Variants in BDNF observed in about 807,000 individuals in gnomAD.
The protein encoded by BDNF is neurotrophic factor BDNF precursor form.
In BDNF, 1 loss-of-function variant was observed where a neutral mutation model predicts 19.5. That is an observed-to-expected ratio of 0.05 (90% CI 0.02 to 0.24). The LOEUF (loss-of-function observed/expected upper bound fraction) is 0.24. Ranked by LOEUF, BDNF falls within the 10% of genes least tolerant of loss-of-function variation. BDNF has a pLI of 1.00. For synonymous variants in BDNF, 100 were observed against 121.6 expected, an observed-to-expected ratio of 0.82 and a Z score of 1.17; for missense variants, 195 against 317.6, an observed-to-expected ratio of 0.61 and a Z score of 2.93.
chr11:27,700,029 CG>C (rs1449914570), intron 1 of BDNF, 134 bp downstream of exon 1: 2 of 850,428 alleles, frequency 2.4e-6, no homozygotes, highest in African/African-American at 3.7e-5. Flanking sequence ...AACTCCAAAT[CG>C]TCCCTTCTAC....
intron 1 of BDNF, among the ~76,000 whole-genome samples, chr11:27,708,825 CTT>C (rs67977614): frequency 1.1e-4 from 12 of 112,448 alleles, no homozygotes; most frequent in South Asian, 3.0e-4. Flanking sequence ...TAGAATTCCT[CTT>C]TTTTTTTTTT....
chr11:27,684,916 A>G (rs560677095), intron 1 of BDNF, among the ~76,000 whole-genome samples: 2 of 152,306 alleles, frequency 1.3e-5, no homozygotes, highest in Admixed American at 1.3e-4. Flanking sequence ...GGACTCATAA[A>G]ATGAGTTAGG....
rs1015548431 is a variant in BDNF, at chr11:27,656,257, A to T, written c.*1564T>A. ...AAACATCTTCTATCTCATTGCATCA[A>T]TCTCATGATCACAAATGCCACATTT... On this transcript the variant is annotated 3_prime_UTR_variant, in exon 2 of 2. Coordinates refer to ENST00000356660, the MANE Select transcript of BDNF (RefSeq NM_001709.5). 1 of 152,190 alleles carries T rather than the reference A, an allele frequency of 6.6e-6. No individual in the cohort carries two copies. The highest frequency in any genetic ancestry group is 1.9e-4 in the East Asian group (1 of 5,182). 9.4% of individuals were successfully genotyped at this position (152,190 alleles called of 1,614,324 possible).
chr11:27,699,392 TC>T, intron 1 of BDNF: 1 of 1,613,964 alleles, frequency 6.2e-7, no homozygotes, highest in Non-Finnish European at 8.5e-7. Context: ...CCATTCCTCT[TC>T]CCGGCTCTGC....
chr11:27,701,039 G>A (rs1859869213), upstream of BDNF: 1 of 1,357,786 alleles, frequency 7.4e-7, no homozygotes, highest in South Asian at 1.2e-5. Context: ...CAGAGCATGG[G>A]GGCTATTGGT....
chr11:27,682,570 C>T (rs561990610), intron 1 of BDNF, among the ~76,000 whole-genome samples: 8 of 152,086 alleles, frequency 5.3e-5, no homozygotes, highest in African/African-American at 1.9e-4. Context: ...CCTCCTACAC[C>T]CTGACAGGCC....
intron 1 of BDNF, chr11:27,696,615 C>T (rs2134053981): frequency 6.6e-6 from 1 of 152,318 alleles, no homozygotes; most frequent in African/African-American, 2.4e-5. Flanking sequence ...AATGGCTGCA[C>T]TAGATGGCTG....
At chr11:27,701,724 T>A, upstream of BDNF, 1 of 567,864 alleles carries the variant, frequency 1.8e-6, no homozygotes, top group Non-Finnish European at 2.2e-6. Context: ...GTGCACGAAT[T>A]ACCAGAATCA....
chr11:27,701,017 A>G (rs1268401122), upstream of BDNF: 1 of 1,361,382 alleles, frequency 7.3e-7, no homozygotes, highest in African/African-American at 1.5e-5. Context: ...GCGAGCACAC[A>G]ATGAAATCGC....
At chr11:27,704,670 G>T (rs1259331267), upstream of BDNF, among the ~76,000 whole-genome samples, 2 of 152,182 alleles carry the variant, frequency 1.3e-5, no homozygotes, top group Non-Finnish European at 2.9e-5. Flanking sequence ...TGAGCAGAGT[G>T]GCACAGGTGT....
At chr11:27,675,404 G>T (rs11030109) in intron 1 of BDNF, 1 of 152,064 alleles carries the variant, frequency 6.6e-6, no homozygotes. Flanking sequence ...ACATTTTCCC[G>T]TGAGAAGATC....
At chr11:27,670,062 T>G (rs531094813) in intron 1 of BDNF, among the ~76,000 whole-genome samples, 267 of 152,126 alleles carry the variant, frequency 1.8e-3, no homozygotes, top group African/African-American at 5.1e-3. Flanking sequence ...AAAACAGAGA[T>G]ATAGACCAAT....
chr11:27,699,263 C>G (rs1859595736), intron 1 of BDNF: 1 of 1,415,012 alleles, frequency 7.1e-7, no homozygotes, highest in South Asian at 1.1e-5. Context: ...AGTTCACCCT[C>G]GCAGCCCCGA....
At chr11:27,669,544 G>A (rs1347922676) in intron 1 of BDNF, among the ~76,000 whole-genome samples, 2 of 152,158 alleles carry the variant, frequency 1.3e-5, no homozygotes, top group Non-Finnish European at 2.9e-5. Context: ...AAGCTGATAA[G>A]CAACTTCAGC....
chr11:27,680,039 C>G (rs1246340181), intron 1 of BDNF, among the ~76,000 whole-genome samples: 1 of 152,212 alleles, frequency 6.6e-6, no homozygotes, highest in South Asian at 2.1e-4. Flanking sequence ...TGGATGTCAA[C>G]TTGTCAAACT....
At chr11:27,721,585 G>T in exon 1 of BDNF, 2 of 732,740 alleles carry the variant, frequency 2.7e-6, no homozygotes, top group Non-Finnish European at 4.8e-6. Context: ...TGCAATATCC[G>T]CAAGCTTAAA....
intron 1 of BDNF, among the ~76,000 whole-genome samples, chr11:27,694,898 C>T (rs911050732): frequency 3.3e-5 from 5 of 152,060 alleles, no homozygotes; most frequent in African/African-American, 1.2e-4. Context: ...CTCAATGGTT[C>T]GGTTTGGTAC....
At chr11:27,712,715 A>C (rs1366616760) in intron 1 of BDNF, among the ~76,000 whole-genome samples, 1 of 151,610 alleles carries the variant, frequency 6.6e-6, no homozygotes, top group African/African-American at 2.4e-5. Flanking sequence ...GGGTTTTGCC[A>C]TGTTGGCCAG....
At chr11:27,676,595 C>A (rs879288466) in intron 1 of BDNF, among the ~76,000 whole-genome samples, 1 of 152,140 alleles carries the variant, frequency 6.6e-6, no homozygotes, top group African/African-American at 2.4e-5. Context: ...ATGCAGGAAA[C>A]CACTTGGCAA....
Sources: allele counts gnomAD v4.1 joint callset (sites outside exome capture counted in the v4.1 genomes callset), GRCh38; gene constraint gnomAD v4.1.1; transcripts MANE v1.5; gene names NCBI Gene and HGNC (gene_info 2026-07-23, HGNC 2026-07-21).